ZC3H12B: variants seen among roughly 807,000 people sequenced by gnomAD.
The protein encoded by ZC3H12B is zinc finger CCCH-type containing 12B.
Under a neutral mutation model 43.9 loss-of-function variants are expected in ZC3H12B, and 7 were observed. The observed-to-expected ratio is 0.16, with a 90% CI of 0.09 to 0.30. The LOEUF (loss-of-function observed/expected upper bound fraction) is 0.30, where lower values mean the gene tolerates loss of function less well. Ranked by LOEUF, ZC3H12B falls within the 10% of genes least tolerant of loss-of-function variation. The probability of loss-of-function intolerance (pLI) is 1.00; values close to 1 mark genes in which losing one functional copy is unlikely to be tolerated. For missense variants in ZC3H12B, 475 were observed against 670.2 expected (o/e 0.71, Z 3.22); for synonymous variants, 222 against 241.7 (o/e 0.92, Z 0.76).
the ZC3H12B span, among the ~76,000 whole-genome samples, chrX:65,035,158 C>T: frequency 8.9e-6 from 1 of 112,266 alleles, no homozygotes; most frequent in African/African-American, 3.2e-5. Context: ...ACACCTGCGC[C>T]GCCGCCTTCT....
At chrX:65,459,228 C>T (rs897739608) in intron 3 of ZC3H12B, among the ~76,000 whole-genome samples, 4 of 111,540 alleles carry the variant, frequency 3.6e-5, no homozygotes, top group Admixed American at 9.5e-5. Context: ...GCTTACCAAC[C>T]GAAAAAAGTC....
At chrX:65,226,356 G>T in the ZC3H12B span, among the ~76,000 whole-genome samples, 1 of 111,323 alleles carries the variant, frequency 9.0e-6, no homozygotes, top group Admixed American at 9.6e-5. Context: ...TGCCCTAAAA[G>T]AGCGCCTGAA....
the ZC3H12B span, among the ~76,000 whole-genome samples, chrX:65,318,274 T>G: frequency 9.1e-6 from 1 of 110,064 alleles, no homozygotes; most frequent in African/African-American, 3.3e-5. Context: ...CCCTGGTCAT[T>G]CGTGATGTTG....
At chrX:65,297,925 G>A in the ZC3H12B span, among the ~76,000 whole-genome samples, 1 of 111,673 alleles carries the variant, frequency 9.0e-6, no homozygotes, top group Non-Finnish European at 1.9e-5. Context: ...AAAGGGTGCT[G>A]GGATAATTGG....
chrX:65,247,669 T>C, the ZC3H12B span, among the ~76,000 whole-genome samples: 16,010 of 111,751 alleles, frequency 0.14, 2,744 homozygotes, highest in African/African-American at 0.49. Context: ...TTCTCACTTA[T>C]AAGTGGGGGC....
chrX:65,165,981 C>T, the ZC3H12B span, among the ~76,000 whole-genome samples: 100 of 111,945 alleles, frequency 8.9e-4, no homozygotes, highest in African/African-American at 3.2e-3. Flanking sequence ...TTTTAATAAT[C>T]GCTATTCTAA....
the ZC3H12B span, among the ~76,000 whole-genome samples, chrX:65,081,337 G>A: frequency 0.14 from 15,699 of 109,992 alleles, 2,739 homozygotes; most frequent in African/African-American, 0.49. Flanking sequence ...AAGATGTAGA[G>A]AGGCTGATTG....
the ZC3H12B span, among the ~76,000 whole-genome samples, chrX:65,230,504 T>C: frequency 9.3e-6 from 1 of 107,733 alleles, no homozygotes; most frequent in African/African-American, 3.4e-5. Flanking sequence ...CTGCACATTG[T>C]GCACATGTAC....
At chrX:65,175,927 C>T in the ZC3H12B span, among the ~76,000 whole-genome samples, 1 of 112,253 alleles carries the variant, frequency 8.9e-6, no homozygotes, top group Non-Finnish European at 1.9e-5. Flanking sequence ...GCCTACACCA[C>T]TGGGGCCCTG....
chrX:65,048,578 T>C, the ZC3H12B span, among the ~76,000 whole-genome samples: 10 of 111,582 alleles, frequency 9.0e-5, no homozygotes, highest in Non-Finnish European at 1.9e-4. Flanking sequence ...TTATTTCCTT[T>C]TTAAAGTAAA....
the ZC3H12B span, among the ~76,000 whole-genome samples, chrX:65,220,582 A>T: frequency 2.7e-5 from 3 of 112,139 alleles, no homozygotes; most frequent in Middle Eastern, 0.014. Flanking sequence ...GTTTTAAGCA[A>T]CAGCAGATAA....
At chrX:65,402,602 C>T (rs1374029120) in intron 3 of ZC3H12B, among the ~76,000 whole-genome samples, 1 of 112,001 alleles carries the variant, frequency 8.9e-6, no homozygotes, top group Non-Finnish European at 1.9e-5. Flanking sequence ...CCTCCAACCC[C>T]AGGTTTAAGA....
chrX:65,095,115 T>G, the ZC3H12B span, among the ~76,000 whole-genome samples: 7 of 112,100 alleles, frequency 6.2e-5, no homozygotes, highest in Non-Finnish European at 1.3e-4. Flanking sequence ...GCTTGACAGC[T>G]TCTAAATACT....
the ZC3H12B span, among the ~76,000 whole-genome samples, chrX:65,151,103 G>T: frequency 8.9e-6 from 1 of 112,057 alleles, no homozygotes; most frequent in African/African-American, 3.2e-5. Flanking sequence ...AGAAATTTAA[G>T]TTATGCAGTT....
the ZC3H12B span, among the ~76,000 whole-genome samples, chrX:65,212,631 AAT>A: frequency 5.9e-5 from 5 of 85,369 alleles, no homozygotes; most frequent in Admixed American, 1.6e-4. Context: ...AATATATATA[AAT>A]ATATATGATT....
chrX:65,449,046 GGAAA>G (rs1213165310), intron 3 of ZC3H12B, among the ~76,000 whole-genome samples: 7 of 91,178 alleles, frequency 7.7e-5, no homozygotes, highest in Non-Finnish European at 1.3e-4. Context: ...AAAGAAGGAA[GGAAA>G]GAAAGAAAGA....
chrX:65,053,607 C>T, the ZC3H12B span, among the ~76,000 whole-genome samples: 3 of 111,641 alleles, frequency 2.7e-5, no homozygotes, highest in Non-Finnish European at 5.7e-5. Context: ...ATTTATACTC[C>T]TCTGGGTATA....
intron 2 of ZC3H12B, among the ~76,000 whole-genome samples, chrX:65,376,106 A>G (rs373593403): frequency 5.4e-5 from 6 of 111,803 alleles, no homozygotes; most frequent in African/African-American, 2.0e-4. Context: ...CATTCACCAC[A>G]TGCTAAAGAT....
chrX:65,503,391 A>C (rs966904343), exon 5 of ZC3H12B: 18 of 409,540 alleles, frequency 4.4e-5, no homozygotes, highest in South Asian at 3.1e-4. Flanking sequence ...TAGAGAAGGA[A>C]GGTGAAGGTC....
Sources: allele counts gnomAD v4.1 joint callset (sites outside exome capture counted in the v4.1 genomes callset), GRCh38; gene constraint gnomAD v4.1.1; transcripts MANE v1.5; gene names NCBI Gene and HGNC (gene_info 2026-07-23, HGNC 2026-07-21).